The following PCBP3 variants were observed in gnomAD, a reference collection of about 807,000 sequenced individuals.
PCBP3 encodes the protein poly(rC) binding protein 3.
In PCBP3, 25 loss-of-function variants were observed where a neutral mutation model predicts 52.7. That is an observed-to-expected ratio of 0.47 (90% CI 0.35 to 0.66). PCBP3 has a LOEUF of 0.66. Ranked by LOEUF, PCBP3 falls within the 30% of genes least tolerant of loss-of-function variation. The pLI is 0.01. For synonymous variants in PCBP3, 162 were observed against 183.0 expected, an observed-to-expected ratio of 0.89 and a Z score of 0.93; for missense variants, 391 against 490.3, an observed-to-expected ratio of 0.80 and a Z score of 1.91.
chr21:45,761,729 C>G (rs1006251392), intron 4 of PCBP3: 1 of 152,456 alleles, frequency 6.6e-6, no homozygotes. Context: ...GTAGGTGAGC[C>G]GCGGGATGCT....
chr21:45,910,976 G>A lies in PCBP3; in HGVS notation c.546G>A (p.Gly182=). The A allele has an allele frequency of 6.2e-7, 1 of 1,612,122 alleles. No homozygotes were observed. Among genetic ancestry groups the A allele is most frequent in the South Asian group, 1.1e-5 (1 of 91,076 alleles). ...NSTERAVTIS[G]TPDAIIQCVK... is the part of the protein sequence containing the mutation. ...CGGAGCGAGCGGTGACCATCTCGGG[G>A]ACCCCAGATGCCATCATCCAGTGCG... is the stretch of plus-strand genomic sequence containing the variant. The change falls in exon 11 of 18, where the codon GGG becomes GGA. Residue 182 remains glycine, a synonymous_variant. Transcript: ENST00000681687.
At position 45,830,886 on chromosome 21, in the gene PCBP3, T is replaced by C. The variant is rs886651989; in HGVS notation, c.-125-19075T>C. On this transcript the variant is annotated intron_variant, in intron 4 of 17. Coordinates refer to ENST00000681687, the MANE Select transcript of PCBP3 (RefSeq NM_001384156.1). This position sits in a 1 kb window ranked among gnomAD's most constrained non-coding sequence, Gnocchi z 4.4. ...GAGTGACGTAGTCACCCTCCACCTT[T>C]GTCCCTGCTGTCTATGAAGAAGGAG... is the stretch of plus-strand genomic sequence containing the variant. The C allele has an allele frequency of 3.3e-5, 5 of 152,406 alleles. No homozygotes were observed. The highest frequency in any genetic ancestry group is 3.3e-4 in the Admixed American group (5 of 15,302). 9.4% of individuals were successfully genotyped at this position (152,406 alleles called of 1,614,324 possible). A position where few individuals can be genotyped will look rare whatever the true frequency, so the allele number is the denominator to read the frequency against.
chr21:45,845,512 G>A (rs1237990385), intron 4 of PCBP3, among the ~76,000 whole-genome samples: 1 of 151,664 alleles, frequency 6.6e-6, no homozygotes, highest in Non-Finnish European at 1.5e-5. Flanking sequence ...GCGTGTACAC[G>A]TTTGTGAGTG....
chr21:45,898,983 G>A (rs1457908914), intron 6 of PCBP3, among the ~76,000 whole-genome samples: 2 of 100,488 alleles, frequency 2.0e-5, no homozygotes, highest in African/African-American at 9.2e-5. Context: ...CAGCCTCACC[G>A]ACGTCACCAT....
At chr21:45,701,704 G>C (rs779947712) in intron 2 of PCBP3, among the ~76,000 whole-genome samples, 1 of 152,100 alleles carries the variant, frequency 6.6e-6, no homozygotes, top group African/African-American at 2.4e-5. Context: ...GGGATTACGG[G>C]TGTGCGCCAC....
intron 2 of PCBP3, among the ~76,000 whole-genome samples, chr21:45,714,130 C>T (rs1019420259): frequency 5.3e-5 from 8 of 152,286 alleles, no homozygotes; most frequent in East Asian, 1.9e-4. Flanking sequence ...TGGTTGGTTG[C>T]GCCTCCATTT....
At chr21:45,705,027 T>G (rs2083363668) in intron 2 of PCBP3, among the ~76,000 whole-genome samples, 2 of 152,136 alleles carry the variant, frequency 1.3e-5, no homozygotes, top group Admixed American at 6.5e-5. Flanking sequence ...GAGTCTGTTG[T>G]GAGGGTCACC....
Position 45,941,898 on chromosome 21 carries a change from C to A in PCBP3, c.*192C>A, listed in dbSNP as rs950624102. The A allele has an allele frequency of 2.3e-6, 1 of 437,648 alleles. No homozygotes were observed. The highest frequency in any genetic ancestry group is 2.0e-5 in the African/African-American group (1 of 49,078). 27.1% of individuals were successfully genotyped at this position (437,648 alleles called of 1,614,324 possible). A position where few individuals can be genotyped will look rare whatever the true frequency, so the allele number is the denominator to read the frequency against. The stretch of plus-strand genomic sequence containing the variant: ...TGCTCTCTACAGAGGCTGCAGGCTC[C>A]GCCGAGTCCCCCCTCAGTGTTATTT... On this transcript the variant is annotated 3_prime_UTR_variant, in exon 18 of 18. Transcript: ENST00000681687.
intron 2 of PCBP3, among the ~76,000 whole-genome samples, chr21:45,718,497 C>T (rs552837832): frequency 1.1e-4 from 16 of 152,100 alleles, no homozygotes; most frequent in Admixed American, 7.2e-4. Context: ...CCTGTTCTGC[C>T]GCTTCCATGC....
intron 5 of PCBP3, among the ~76,000 whole-genome samples, chr21:45,869,569 C>T (rs1281707444): frequency 6.6e-6 from 1 of 152,216 alleles, no homozygotes; most frequent in Non-Finnish European, 1.5e-5. Context: ...TCTCGCCGTC[C>T]CCACCCTCCT....
intron 2 of PCBP3, among the ~76,000 whole-genome samples, chr21:45,719,118 G>A (rs925816015): frequency 3.3e-5 from 5 of 152,080 alleles, no homozygotes; most frequent in African/African-American, 7.2e-5. Context: ...GGCTGAATTC[G>A]GGGAACAAGC....
At chr21:45,934,037 CCCCT>C (rs1363886143) in intron 15 of PCBP3, among the ~76,000 whole-genome samples, 3 of 152,100 alleles carry the variant, frequency 2.0e-5, no homozygotes, top group Non-Finnish European at 2.9e-5. Context: ...ATTTTGGGGA[CCCCT>C]CTGGTCTGTC....
intron 1 of PCBP3, among the ~76,000 whole-genome samples, chr21:45,667,396 G>T (rs1177147279): frequency 6.6e-6 from 1 of 151,576 alleles, no homozygotes; most frequent in Non-Finnish European, 1.5e-5. Context: ...TCCTTAGATT[G>T]GTTAATCTCA....
intron 2 of PCBP3, among the ~76,000 whole-genome samples, chr21:45,698,379 G>C (rs1402799924): frequency 6.6e-6 from 1 of 152,238 alleles, no homozygotes; most frequent in Non-Finnish European, 1.5e-5. Flanking sequence ...GCTTCTTGAG[G>C]ATGGGGGCTG....
chr21:45,919,524 A>C (rs1160691707), intron 13 of PCBP3: 1 of 152,266 alleles, frequency 6.6e-6, no homozygotes, highest in African/African-American at 2.4e-5. Flanking sequence ...TGAATGGAGA[A>C]TAGATAACAA....
At chr21:45,867,415 C>T (rs996713236) in intron 5 of PCBP3, among the ~76,000 whole-genome samples, 8 of 152,244 alleles carry the variant, frequency 5.3e-5, no homozygotes, top group Non-Finnish European at 1.0e-4. Context: ...CATACAGGAC[C>T]TGACACGGGC....
At chr21:45,645,107 T>C (rs2079169364) in intron 1 of PCBP3, among the ~76,000 whole-genome samples, 5 of 152,244 alleles carry the variant, frequency 3.3e-5, no homozygotes, top group Admixed American at 3.3e-4. Context: ...TGAAAGGACC[T>C]AATTGATCAT....
intron 5 of PCBP3, among the ~76,000 whole-genome samples, chr21:45,890,536 AC>A (rs2095628560): frequency 6.6e-6 from 1 of 151,328 alleles, no homozygotes; most frequent in African/African-American, 2.4e-5. Context: ...AGATAACAGA[AC>A]CTGGAACTCC....
At chr21:45,881,513 C>T (rs552465717) in intron 5 of PCBP3, among the ~76,000 whole-genome samples, 2 of 152,146 alleles carry the variant, frequency 1.3e-5, no homozygotes, top group African/African-American at 2.4e-5. Context: ...GTCTTGAACT[C>T]CTAGACTCCA....
Sources: gnomAD v4.1 joint callset for allele counts (sites outside exome capture counted in the v4.1 genomes callset) on GRCh38, gnomAD v4.1.1 for gene constraint, Gnocchi (gnomAD v3.1) non-coding constraint, MANE v1.5 for transcripts, NCBI Gene and HGNC (gene_info 2026-07-23, HGNC 2026-07-21) for gene names.